MEI1: variants seen among roughly 807,000 people sequenced by gnomAD.
The protein encoded by MEI1 is meiotic double-stranded break formation protein 1.
MEI1 carries 103 observed loss-of-function variants against 146.2 expected under a neutral mutation model. The ratio of observed to expected loss-of-function variants is 0.70; its 90% CI spans 0.60 to 0.83. The LOEUF is 0.83. Ranked by LOEUF, MEI1 falls within the 40% of genes least tolerant of loss-of-function variation. The probability of loss-of-function intolerance (pLI) is 0.00; values close to 1 mark genes in which losing one functional copy is unlikely to be tolerated. For missense variants in MEI1, 1,529 were observed against 1,533.0 expected, an observed-to-expected ratio of 1.00 and a Z score of 0.04; for synonymous variants, 652 against 628.2, an observed-to-expected ratio of 1.04 and a Z score of -0.57.
At chr22:41,761,629 GA>G (rs935084068) in intron 18 of MEI1, among the ~76,000 whole-genome samples, 10 of 148,920 alleles carry the variant, frequency 6.7e-5, no homozygotes, top group South Asian at 2.1e-4. Context: ...AGTCTTAAAA[GA>G]AAAAAAAAAT....
chr22:41,724,835 C>T (rs938239116), intron 7 of MEI1, among the ~76,000 whole-genome samples: 4 of 150,408 alleles, frequency 2.7e-5, no homozygotes, highest in African/African-American at 9.8e-5. Context: ...CGAGGTCTTG[C>T]TCTCTCCACT....
At chr22:41,729,117 A>G (rs1441985289) in intron 7 of MEI1, among the ~76,000 whole-genome samples, 1 of 148,078 alleles carries the variant, frequency 6.8e-6, no homozygotes, top group Non-Finnish European at 1.5e-5. Context: ...GTGAGCCAAG[A>G]TCATGCCACT....
rs2075756825 is a variant in MEI1, at chr22:41,781,537, G to A, written c.2926+143G>A. 5.2e-6 allele frequency: 6 copies of A among 1,157,168 alleles called. No individual in the cohort carries two copies. In the East Asian group the frequency reaches 7.7e-5, roughly 15 times the overall value. 71.7% of individuals were successfully genotyped at this position (1,157,168 alleles called of 1,614,324 possible). On this transcript the variant is annotated intron_variant, in intron 23 of 30. Transcript: ENST00000401548. ...GTCCTTTCTGGCTCTAATAACCTGA[G>A]CTTCTGTTATGAAGCTGGGACCCTT...
At chr22:41,796,862 G>A (rs1453988628) in intron 30 of MEI1, among the ~76,000 whole-genome samples, 2 of 152,008 alleles carry the variant, frequency 1.3e-5, no homozygotes, top group Non-Finnish European at 2.9e-5. Flanking sequence ...CACAAGAATC[G>A]CTTGAATCGG....
rs537660109 is a variant in MEI1, at chr22:41,704,769, C to T, written c.299-735C>T. 4.2e-4 allele frequency among the ~76,000 whole-genome samples: 64 copies of T among 152,102 alleles called. 1 individual carries two copies. Among genetic ancestry groups the T allele is most frequent in the Admixed American group, 1.6e-3 (24 of 15,282 alleles). On this transcript the variant is annotated intron_variant, in intron 2 of 30. Coordinates refer to ENST00000401548, the MANE Select transcript of MEI1 (RefSeq NM_152513.4). ...TTGCTCTGTCACCCAGACTGGAGTG[C>T]GGTGGCATGATCTTGGCTCACTTCA...
intron 11 of MEI1, among the ~76,000 whole-genome samples, chr22:41,733,553 C>T (rs765505088): frequency 3.9e-5 from 6 of 151,930 alleles, no homozygotes; most frequent in Non-Finnish European, 5.9e-5. Flanking sequence ...GTCAGGAGTT[C>T]GAGACCAGCC....
chr22:41,757,408 A>G (rs1300000683), intron 17 of MEI1, among the ~76,000 whole-genome samples: 1 of 151,742 alleles, frequency 6.6e-6, no homozygotes, highest in African/African-American at 2.4e-5. Context: ...TTCAGGCTGG[A>G]GTGCAATGGT....
intron 20 of MEI1, among the ~76,000 whole-genome samples, chr22:41,774,906 C>T (rs2075364027): frequency 6.6e-6 from 1 of 152,162 alleles, no homozygotes; most frequent in African/African-American, 2.4e-5. Context: ...GACCCCATCC[C>T]TCTCCTTCTG....
rs529692045 is a variant in MEI1, at chr22:41,699,660, C to A, written c.122C>A (p.Pro41His). The A allele has an allele frequency of 2.0e-5, 32 of 1,591,096 alleles. No individual in the cohort carries two copies. The African/African-American group carries it at 3.7e-4, about 19-fold the overall frequency. The change falls in exon 1 of 31, where the codon CCC (proline) becomes CAC (histidine). Residue 41 changes from proline to histidine, a missense_variant. Around this residue, in one of 3 missense-constraint regions of MEI1, gnomAD observed 1,212 missense variants for 1,178.9 expected, o/e 1.03. Transcript: ENST00000401548. ...HDPRWLLPVTPRLCLACALEL... is the reference protein window; with the variant it reads ...HDPRWLLPVTHRLCLACALEL... ...CCGCGCTGGCTGCTGCCCGTGACCC[C>A]CCGCCTGTGCCTGGCCTGCGCGCTG...
At chr22:41,719,807 G>A (rs1228574418) in intron 6 of MEI1, among the ~76,000 whole-genome samples, 1 of 152,132 alleles carries the variant, frequency 6.6e-6, no homozygotes. Context: ...GTTCTAAGCA[G>A]GGAGATTTCT....
chr22:41,736,780 G>A (rs1239989800), intron 11 of MEI1, among the ~76,000 whole-genome samples: 1 of 152,122 alleles, frequency 6.6e-6, no homozygotes, highest in Non-Finnish European at 1.5e-5. Context: ...AGGATTCTCT[G>A]TGAAAACTTT....
intron 19 of MEI1, among the ~76,000 whole-genome samples, chr22:41,765,674 C>T (rs1304334100): frequency 6.6e-6 from 1 of 151,906 alleles, no homozygotes; most frequent in Non-Finnish European, 1.5e-5. Context: ...CCCATCCCCA[C>T]CCCCTTATTC....
At chr22:41,752,731 G>C in intron 16 of MEI1, 80 bp downstream of exon 16, 1 of 1,270,510 alleles carries the variant, frequency 7.9e-7, no homozygotes, top group South Asian at 1.3e-5. Context: ...TTGTTGGCTG[G>C]TGTGTTTTAG....
intron 15 of MEI1, among the ~76,000 whole-genome samples, chr22:41,751,875 T>G (rs1213482384): frequency 6.7e-6 from 1 of 150,346 alleles, no homozygotes; most frequent in Non-Finnish European, 1.5e-5. Flanking sequence ...ATCAAGACCA[T>G]CCTGGCCAAC....
intron 1 of MEI1, among the ~76,000 whole-genome samples, chr22:41,700,714 G>A (rs886969822): frequency 2.6e-5 from 4 of 151,212 alleles, no homozygotes; most frequent in African/African-American, 7.3e-5. Context: ...AGGGGAATTC[G>A]TGAGTGGGTG....
At chr22:41,763,460 G>C in intron 19 of MEI1, 139 bp downstream of exon 19, 1 of 864,232 alleles carries the variant, frequency 1.2e-6, no homozygotes, top group Non-Finnish European at 1.8e-6. Context: ...AGTGTGGAGA[G>C]GAGTAGGATG....
At chr22:41,737,604 C>T (rs535246223) in intron 11 of MEI1, among the ~76,000 whole-genome samples, 1 of 151,928 alleles carries the variant, frequency 6.6e-6, no homozygotes, top group African/African-American at 2.4e-5. Flanking sequence ...TGCAGTCATG[C>T]GATCTTAGCT....
At position 41,703,291 on chromosome 22, in the gene MEI1, A is replaced by G. The variant is rs754935246; in HGVS notation, c.175-40A>G. The G allele has an allele frequency of 2.1e-5, 34 of 1,601,204 alleles. 1 individual carries two copies. The South Asian group carries it at 3.7e-4, about 17-fold the overall frequency. On this transcript the variant is annotated intron_variant, in intron 1 of 30. Coordinates refer to ENST00000401548, the MANE Select transcript of MEI1 (RefSeq NM_152513.4). ...GGTTGTTGGATTCAGAATAGCCAAA[A>G]TTTGGTTGCTATTGAATGTTTTTCT...
At chr22:41,740,038 G>C (rs6519279) in intron 11 of MEI1, among the ~76,000 whole-genome samples, 1 of 151,546 alleles carries the variant, frequency 6.6e-6, no homozygotes, top group African/African-American at 2.4e-5. Flanking sequence ...TTTGGTGGGG[G>C]GGGTGGAGTC....
Sources: gnomAD v4.1 joint callset for allele counts (sites outside exome capture counted in the v4.1 genomes callset) on GRCh38, gnomAD v4.1.1 for gene constraint, gnomAD v4.1.1 regional missense constraint, MANE v1.5 for transcripts, NCBI Gene and HGNC (gene_info 2026-07-23, HGNC 2026-07-21) for gene names.